Variants in SNX18 observed in about 807,000 individuals in gnomAD.
SNX18 encodes the protein sorting nexin 18.
A neutral mutation model predicts 48.7 loss-of-function variants in SNX18; 35 were observed. The ratio of observed to expected loss-of-function variants is 0.72; its 90% CI spans 0.55 to 0.95. The LOEUF is 0.95. Among genes scored for constraint, SNX18 ranks in the 40% least tolerant of loss-of-function variants. The probability of loss-of-function intolerance (pLI) is 0.00; values close to 1 mark genes in which losing one functional copy is unlikely to be tolerated. For missense variants in SNX18, 824 were observed against 871.0 expected (o/e 0.95, Z 0.68); for synonymous variants, 492 against 384.7 (o/e 1.28, Z -3.26).
At position 54,518,408 on chromosome 5, in the gene SNX18, T is replaced by C. The variant is rs1761922505; in HGVS notation, c.456T>C (p.Asp152=). 2 of 1,586,396 alleles carry C rather than the reference T, an allele frequency of 1.3e-6. No homozygotes were observed. ...ACCAGGCCAGCCAAGGCAGCGATGATGACTGGGACGACGAGTGGGACGACA... is the reference window on the plus strand; with the variant it reads ...ACCAGGCCAGCCAAGGCAGCGATGACGACTGGGACGACGAGTGGGACGACA... The part of the protein sequence containing the change: ...GGYQASQGSD[D]DWDDEWDDSS... Residue 152 remains aspartate, a synonymous_variant, in exon 1 of 2, where the codon GAT becomes GAC. Transcript: ENST00000381410.
At chr5:54,633,904 C>T in the SNX18 span, among the ~76,000 whole-genome samples, 1 of 152,256 alleles carries the variant, frequency 6.6e-6, no homozygotes, top group South Asian at 2.1e-4. Flanking sequence ...TTGGGAGACA[C>T]TTATTTTATT....
At chr5:54,520,088 A>C (rs2910808) in intron 1 of SNX18, 216,957 of 408,632 alleles carry the variant, frequency 0.53, 58,770 homozygotes, top group Non-Finnish European at 0.55. Context: ...AGTTTAAGAA[A>C]TTCCTGCAAA....
chr5:54,606,625 G>A, the SNX18 span, among the ~76,000 whole-genome samples: 8 of 152,154 alleles, frequency 5.3e-5, no homozygotes, highest in Non-Finnish European at 7.4e-5. Flanking sequence ...AGCATTTTTC[G>A]ATTTGCAATT....
At chr5:54,617,423 G>A in the SNX18 span, among the ~76,000 whole-genome samples, 12 of 152,248 alleles carry the variant, frequency 7.9e-5, no homozygotes, top group East Asian at 2.1e-3. Context: ...AGAAAGCAAG[G>A]TAGAAATGGT....
chr5:54,551,257 T>C (rs1268474651), downstream of SNX18, among the ~76,000 whole-genome samples: 13 of 152,146 alleles, frequency 8.5e-5, no homozygotes, highest in Non-Finnish European at 1.2e-4. Flanking sequence ...TTCAACAGCA[T>C]TGGGAAGCGG....
the SNX18 span, among the ~76,000 whole-genome samples, chr5:54,620,434 A>T: frequency 6.6e-6 from 1 of 152,194 alleles, no homozygotes; most frequent in Non-Finnish European, 1.5e-5. Flanking sequence ...TTGAGTGAAT[A>T]TGCTGAGGTC....
the SNX18 span, among the ~76,000 whole-genome samples, chr5:54,633,155 G>A: frequency 6.6e-6 from 1 of 152,066 alleles, no homozygotes; most frequent in East Asian, 1.9e-4. Context: ...GACCTGCCTG[G>A]TGAACGTGAA....
rs761731382 is a variant in SNX18, at chr5:54,518,076, G to T, written c.124G>T (p.Val42Phe). 1.3e-6 allele frequency: 2 copies of T among 1,539,766 alleles called. No individual in the cohort carries two copies. The highest frequency in any genetic ancestry group is 2.0e-5 in the Admixed American group (1 of 50,884). ...GGACATCGAGGGCTGGCTCGAGGGG[G>T]TCAACAGCCGCGGCGACCGCGGCCT... ...EQDIEGWLEG[V>F]NSRGDRGLFP... The change falls in exon 1 of 2, where the codon GTC (valine) becomes TTC (phenylalanine). Residue 42 changes from valine (V) to phenylalanine (F), a missense_variant. This residue lies in a region of SNX18 where 377 missense variants were observed against 350.6 expected (regional missense o/e 1.08). Transcript: ENST00000381410.
At chr5:54,612,036 C>T in the SNX18 span, among the ~76,000 whole-genome samples, 3 of 152,062 alleles carry the variant, frequency 2.0e-5, no homozygotes, top group African/African-American at 7.2e-5. Flanking sequence ...CTTCACCATG[C>T]CTGGCTAATT....
At chr5:54,623,107 GTC>G in the SNX18 span, among the ~76,000 whole-genome samples, 2 of 152,154 alleles carry the variant, frequency 1.3e-5, no homozygotes, top group Non-Finnish European at 2.9e-5. Flanking sequence ...TGTGGGCTCA[GTC>G]TCTGTAGTGA....
chr5:54,571,778 A>G, the SNX18 span, among the ~76,000 whole-genome samples: 2 of 152,090 alleles, frequency 1.3e-5, no homozygotes, highest in Non-Finnish European at 2.9e-5. Context: ...ATGATTATGT[A>G]TGGTCTCAGC....
chr5:54,581,666 T>C, the SNX18 span, among the ~76,000 whole-genome samples: 1 of 152,154 alleles, frequency 6.6e-6, no homozygotes. Flanking sequence ...AATACTTCCC[T>C]TTAGCGAATG....
rs1415526498 is a variant in SNX18 at position 54,518,913 on chromosome 5, G to A, written c.961G>A (p.Ala321Thr). 5.0e-6 allele frequency: 8 copies of A among 1,613,800 alleles called. No individual in the cohort carries two copies. The highest frequency in any genetic ancestry group is 3.3e-4 in the Middle Eastern group (2 of 6,084). Residue 321 changes from alanine to threonine, a missense_variant, in exon 1 of 2, where the codon GCG becomes ACG. Ala to Thr is a moderately conservative substitution (Grantham distance 58). Around this residue, in one of 3 missense-constraint regions of SNX18, gnomAD observed 443 missense variants for 503.6 expected, o/e 0.88. Transcript: ENST00000381410. ...RRYKHFDWLYARLAEKFPVIS... is the reference protein window; with the variant it reads ...RRYKHFDWLYTRLAEKFPVIS... Reference sequence around the variant, plus strand: ...CTACAAGCACTTCGACTGGCTGTACGCGCGCCTGGCGGAGAAGTTCCCGGT... The same window carrying A: ...CTACAAGCACTTCGACTGGCTGTACACGCGCCTGGCGGAGAAGTTCCCGGT...
chr5:54,524,141 C>A lies in SNX18; in HGVS notation c.1621+4568C>A, dbSNP rs532555797. ...AAAAGAGAACAGGTCTGGGGCTTAC[C>A]CTTTGCCCCAGTTTGTGTTTTCTTA... On this transcript the variant is annotated intron_variant, in intron 1 of 1. Transcript: ENST00000381410. 2.2e-3 allele frequency among the ~76,000 whole-genome samples: 331 copies of A among 152,278 alleles called. 2 individuals carry two copies. Among genetic ancestry groups the A allele is most frequent in the African/African-American group, 7.6e-3 (314 of 41,556 alleles).
At chr5:54,616,342 C>T in the SNX18 span, among the ~76,000 whole-genome samples, 3 of 152,174 alleles carry the variant, frequency 2.0e-5, no homozygotes, top group Non-Finnish European at 4.4e-5. Context: ...ATACTGCTTC[C>T]CTATTTTCCA....
the SNX18 span, among the ~76,000 whole-genome samples, chr5:54,597,989 A>G: frequency 1.3e-5 from 2 of 152,132 alleles, no homozygotes; most frequent in Non-Finnish European, 2.9e-5. Flanking sequence ...TACATAGACT[A>G]CTAGCTAGAC....
the SNX18 span, among the ~76,000 whole-genome samples, chr5:54,586,725 A>C: frequency 6.6e-6 from 1 of 152,192 alleles, no homozygotes; most frequent in African/African-American, 2.4e-5. Context: ...ATGGCAATTG[A>C]ATTTCAACAT....
At chr5:54,551,641 T>C in the SNX18 span, among the ~76,000 whole-genome samples, 1 of 152,206 alleles carries the variant, frequency 6.6e-6, no homozygotes. Flanking sequence ...TATTCCATAA[T>C]GGTCACATAA....
the SNX18 span, among the ~76,000 whole-genome samples, chr5:54,583,001 G>A: frequency 0.22 from 33,126 of 151,980 alleles, 3,856 homozygotes; most frequent in East Asian, 0.39. Flanking sequence ...CCTCTTCTCT[G>A]GGCTACTGTA....
Sources: allele counts gnomAD v4.1 joint callset (sites outside exome capture counted in the v4.1 genomes callset), GRCh38; gene constraint gnomAD v4.1.1; regional missense constraint gnomAD v4.1.1; transcripts MANE v1.5; gene names NCBI Gene and HGNC (gene_info 2026-07-23, HGNC 2026-07-21).